PCDH7: variants seen among roughly 807,000 people sequenced by gnomAD.
The protein encoded by PCDH7 is protocadherin 7.
In PCDH7, 17 loss-of-function variants were observed where a neutral mutation model predicts 58.9. The ratio of observed to expected loss-of-function variants is 0.29; its 90% CI spans 0.20 to 0.43. The LOEUF (loss-of-function observed/expected upper bound fraction) is 0.43, where lower values mean the gene tolerates loss of function less well. Among genes scored for constraint, PCDH7 ranks in the 20% least tolerant of loss-of-function variants. The pLI, the probability that PCDH7 is intolerant of heterozygous loss-of-function variation, is 1.00. For missense variants in PCDH7, 1,274 were observed against 1,441.0 expected, an observed-to-expected ratio of 0.88 and a Z score of 1.88; for synonymous variants, 664 against 616.4, an observed-to-expected ratio of 1.08 and a Z score of -1.14.
At chr4:30,879,742 T>C (rs184320313) in intron 1 of PCDH7, among the ~76,000 whole-genome samples, 2 of 152,282 alleles carry the variant, frequency 1.3e-5, no homozygotes, top group East Asian at 1.9e-4. Context: ...ACTGACATCA[T>C]ACTGAAGCTG....
chr4:31,021,944 T>C (rs1050001266), intron 3 of PCDH7, among the ~76,000 whole-genome samples: 2 of 152,308 alleles, frequency 1.3e-5, no homozygotes, highest in African/African-American at 4.8e-5. Context: ...AGTGTATCTT[T>C]AGTTTTGAAA....
intron 3 of PCDH7, among the ~76,000 whole-genome samples, chr4:31,079,554 A>C (rs531492744): frequency 6.6e-6 from 1 of 151,194 alleles, no homozygotes; most frequent in Admixed American, 6.6e-5. Flanking sequence ...GTATATGTTT[A>C]AGATGTGGAG....
chr4:30,798,667 G>A (rs918834945), intron 1 of PCDH7, among the ~76,000 whole-genome samples: 1 of 152,142 alleles, frequency 6.6e-6, no homozygotes, highest in Non-Finnish European at 1.5e-5. Flanking sequence ...AATACTAACA[G>A]TAAAAAGAGA....
intron 3 of PCDH7, among the ~76,000 whole-genome samples, chr4:30,955,654 T>C (rs1295972845): frequency 6.6e-6 from 1 of 151,862 alleles, no homozygotes; most frequent in African/African-American, 2.4e-5. Context: ...GTTCAAGGGA[T>C]TCTCCTGCCT....
chr4:30,774,143 A>G (rs941779084), intron 1 of PCDH7, among the ~76,000 whole-genome samples: 10 of 152,010 alleles, frequency 6.6e-5, no homozygotes, highest in African/African-American at 2.4e-4. Flanking sequence ...AGTCCCTTTC[A>G]TTGATTTCTT....
chr4:31,108,018 A>G (rs190579890), intron 3 of PCDH7, among the ~76,000 whole-genome samples: 1 of 152,308 alleles, frequency 6.6e-6, no homozygotes, highest in Admixed American at 6.5e-5. Context: ...TAACATACAA[A>G]GTATAGTACT....
chr4:31,114,632 A>AACACACACACACACAC (rs34203962), intron 3 of PCDH7, among the ~76,000 whole-genome samples: 40 of 143,688 alleles, frequency 2.8e-4, no homozygotes, highest in African/African-American at 9.3e-4. Context: ...CACACATACA[A>AACACACACACACACAC]ACACACACAC....
chr4:31,066,448 T>C (rs769340333), intron 3 of PCDH7, among the ~76,000 whole-genome samples: 17 of 151,968 alleles, frequency 1.1e-4, no homozygotes, highest in Admixed American at 2.0e-4. Context: ...TTCATAGAAT[T>C]CTAATTTTTC....
chr4:30,907,339 A>T (rs1741084979), intron 1 of PCDH7, among the ~76,000 whole-genome samples: 1 of 152,154 alleles, frequency 6.6e-6, no homozygotes, highest in Non-Finnish European at 1.5e-5. Flanking sequence ...ATGCGAGAAA[A>T]TTTTTGCAAT....
chr4:30,915,999 T>C (rs1190299370), intron 1 of PCDH7, among the ~76,000 whole-genome samples: 1 of 152,190 alleles, frequency 6.6e-6, no homozygotes, highest in Non-Finnish European at 1.5e-5. Flanking sequence ...TATGCCTCCA[T>C]TTTGCTGGAA....
chr4:31,020,086 C>A (rs996386812), intron 3 of PCDH7, among the ~76,000 whole-genome samples: 1 of 152,098 alleles, frequency 6.6e-6, no homozygotes, highest in Non-Finnish European at 1.5e-5. Context: ...TATACAGACC[C>A]CTAGTCCCAT....
chr4:30,909,642 G>A (rs1234567338), intron 1 of PCDH7, among the ~76,000 whole-genome samples: 1 of 152,098 alleles, frequency 6.6e-6, no homozygotes, highest in African/African-American at 2.4e-5. Context: ...CCTCTTCAAG[G>A]AGAACTACAA....
intron 3 of PCDH7, among the ~76,000 whole-genome samples, chr4:31,050,222 T>C (rs1160147303): frequency 6.6e-6 from 1 of 152,136 alleles, no homozygotes; most frequent in Non-Finnish European, 1.5e-5. Context: ...TGGATTTGTG[T>C]CAGATTCATT....
At chr4:31,093,957 T>G (rs1713606053) in intron 3 of PCDH7, among the ~76,000 whole-genome samples, 1 of 152,158 alleles carries the variant, frequency 6.6e-6, no homozygotes, top group Admixed American at 6.6e-5. Flanking sequence ...GATCTTTACC[T>G]TCCATTTTAC....
At chr4:30,879,408 A>T (rs1375310361) in intron 1 of PCDH7, among the ~76,000 whole-genome samples, 2 of 152,096 alleles carry the variant, frequency 1.3e-5, no homozygotes, top group Non-Finnish European at 2.9e-5. Flanking sequence ...ATGATTTTAA[A>T]TTTTAGAACC....
intron 3 of PCDH7, among the ~76,000 whole-genome samples, chr4:30,976,748 G>A (rs769677994): frequency 1.4e-4 from 21 of 152,242 alleles, no homozygotes; most frequent in East Asian, 3.9e-4. Flanking sequence ...TGGGAAACAC[G>A]TTTGGTTGCC....
chr4:30,771,925 C>T (rs1721465585), intron 1 of PCDH7, among the ~76,000 whole-genome samples: 1 of 152,010 alleles, frequency 6.6e-6, no homozygotes, highest in African/African-American at 2.4e-5. Flanking sequence ...GGCTGGAGTG[C>T]ATTGGTGTGA....
chr4:30,721,537 G>C lies in PCDH7; in HGVS notation c.115G>C (p.Ala39Pro). Reference sequence around the variant, plus strand: ...CAAGCAGCTCCTCCGGTACCGGCTGGCCGAGGAGGGCCCCGCCGACGTCCG... The same window carrying C: ...CAAGCAGCTCCTCCGGTACCGGCTGCCCGAGGAGGGCCCCGCCGACGTCCG... The change falls in exon 1 of 2, where the codon GCC becomes CCC. Residue 39 changes from alanine to proline, a missense_variant. Physicochemically the swap from Ala to Pro is conservative, Grantham distance 27 (BLOSUM62 -1). Coordinates refer to ENST00000361762, the Ensembl canonical transcript of PCDH7. The surrounding 1 kb of genome is among the most constrained non-coding windows in gnomAD (Gnocchi z 6.7). 6.2e-7 allele frequency: 1 copy of C among 1,601,376 alleles called. No individual in the cohort carries two copies. The highest frequency in any genetic ancestry group is 8.5e-7 in the Non-Finnish European group (1 of 1,179,598).
chr4:30,776,082 T>C (rs1397346905), intron 1 of PCDH7, among the ~76,000 whole-genome samples: 2 of 152,210 alleles, frequency 1.3e-5, no homozygotes, highest in Non-Finnish European at 2.9e-5. Context: ...CATTTTCCTC[T>C]GGATTTGTTC....
Sources: gnomAD v4.1 joint callset for allele counts (sites outside exome capture counted in the v4.1 genomes callset) on GRCh38, gnomAD v4.1.1 for gene constraint, Gnocchi (gnomAD v3.1) non-coding constraint, MANE v1.5 for transcripts, NCBI Gene and HGNC (gene_info 2026-07-23, HGNC 2026-07-21) for gene names.